EXOG: variants seen among roughly 807,000 people sequenced by gnomAD.
The protein encoded by EXOG is exo/endonuclease G.
In EXOG, 27 loss-of-function variants were observed where a neutral mutation model predicts 25.8. That is an observed-to-expected ratio of 1.05 (90% CI 0.77 to 1.45). The LOEUF is 1.45. EXOG is among the 40% of genes most tolerant of loss of function. The pLI is 0.00. For synonymous variants in EXOG, 133 were observed against 167.0 expected, an observed-to-expected ratio of 0.80 and a Z score of 1.57; for missense variants, 458 against 450.5, an observed-to-expected ratio of 1.02 and a Z score of -0.15.
Position 38,525,160 on chromosome 3 carries a change from C to G in EXOG, c.*798C>G, listed in dbSNP as rs2060841163. ...TTACATGTGTTGTCTCACAATGACT[C>G]TCTGAGGTAAATACACTATCCCCAT... On this transcript the variant is annotated 3_prime_UTR_variant, in exon 6 of 6. Transcript: ENST00000287675. The G allele has an allele frequency of 2.2e-6, 2 of 920,186 alleles. No individual in the cohort carries two copies. Among genetic ancestry groups the G allele is most frequent in the East Asian group, 1.2e-4 (1 of 8,438 alleles). 57.0% of individuals were successfully genotyped at this position (920,186 alleles called of 1,614,324 possible).
chr3:38,525,519 A>G lies in EXOG; in HGVS notation c.*1157A>G. 1 of 985,430 alleles carries G rather than the reference A, an allele frequency of 1.0e-6. No individual in the cohort carries two copies. The highest frequency in any genetic ancestry group is 1.2e-6 in the Non-Finnish European group (1 of 829,916). The allele number at this position is 985,430 out of a possible 1,614,324, so 61.0% of individuals were successfully genotyped here. On this transcript the variant is annotated 3_prime_UTR_variant, in exon 6 of 6. Coordinates refer to ENST00000287675, the MANE Select transcript of EXOG (RefSeq NM_005107.4). ...AGGAATATTTGGGAATTAGACGGCA[A>G]TACTTTGTGGGGTTTATTAGAGCCC...
At position 38,525,708 on chromosome 3, in the gene EXOG, C is replaced by G. The variant is rs931827010; in HGVS notation, c.*1346C>G. ...CTATAATCTCAGCACTTTGGGAAAT[C>G]GAGGTGGGTGGATCGCTTGAGCCCA... is the stretch of plus-strand genomic sequence containing the variant. On this transcript the variant is annotated 3_prime_UTR_variant, in exon 6 of 6. Coordinates refer to ENST00000287675, the MANE Select transcript of EXOG (RefSeq NM_005107.4). 11 of 844,924 alleles carry G rather than the reference C, an allele frequency of 1.3e-5. No individual in the cohort carries two copies. Among genetic ancestry groups the G allele is most frequent in the Non-Finnish European group, 1.6e-5 (11 of 701,760 alleles). The allele number at this position is 844,924 out of a possible 1,614,324, so 52.3% of individuals were successfully genotyped here.
At chr3:38,496,561 G>A (rs1251128983) in intron 1 of EXOG, 31 bp downstream of exon 1, 9 of 1,593,024 alleles carry the variant, frequency 5.6e-6, no homozygotes, top group Admixed American at 1.7e-5. Context: ...TCCCTTCGCT[G>A]GCCCAGATTT....
intron 5 of EXOG, among the ~76,000 whole-genome samples, chr3:38,508,745 GTA>G (rs2060281682): frequency 6.8e-6 from 1 of 146,802 alleles, no homozygotes; most frequent in African/African-American, 2.6e-5. Flanking sequence ...AACTTTTAGA[GTA>G]TATTCTGTCC....
At position 38,496,453 on chromosome 3, in the gene EXOG, C is replaced by A. The variant is rs1183224498; in HGVS notation, c.86C>A (p.Ala29Glu). Residue 29 changes from alanine to glutamate, a missense_variant, in exon 1 of 6, where the codon GCG (alanine) becomes GAG (glutamate). Transcript: ENST00000287675. ...GTGGCTGGGGCTGTAGTGGGCGCTGCGGGAGCTGGGCTCGCGGCCCTGCAG... is the reference window on the plus strand; with the variant it reads ...GTGGCTGGGGCTGTAGTGGGCGCTGAGGGAGCTGGGCTCGCGGCCCTGCAG... ...GFVAGAVVGA[A>E]GAGLAALQFF... The A allele has an allele frequency of 1.2e-6, 2 of 1,613,892 alleles. No individual in the cohort carries two copies. The highest frequency in any genetic ancestry group is 2.7e-5 in the African/African-American group (2 of 74,926).
At chr3:38,496,897 C>G in intron 1 of EXOG, 1 of 1,220,160 alleles carries the variant, frequency 8.2e-7, no homozygotes, top group Non-Finnish European at 1.1e-6. Context: ...CATCATCTAA[C>G]CAGCACAGTA....
intron 2 of EXOG, 46 bp downstream of exon 2, chr3:38,497,824 A>T (rs1329987912): frequency 6.4e-7 from 1 of 1,557,484 alleles, no homozygotes; most frequent in Non-Finnish European, 8.6e-7. Flanking sequence ...TTTATGAAAG[A>T]TGTCTCCAAA....
At chr3:38,505,897 T>C (rs2060188480) in intron 4 of EXOG, among the ~76,000 whole-genome samples, 2 of 147,444 alleles carry the variant, frequency 1.4e-5, no homozygotes, top group African/African-American at 5.0e-5. Flanking sequence ...ACCCAGGAGA[T>C]GGAGGTTGCA....
intron 5 of EXOG, among the ~76,000 whole-genome samples, chr3:38,517,592 C>G (rs1029197631): frequency 1.3e-5 from 2 of 152,170 alleles, no homozygotes; most frequent in East Asian, 3.9e-4. Flanking sequence ...TATTTTTAGC[C>G]TTTTGTAGTG....
At chr3:38,504,382 G>C (rs996074176) in intron 4 of EXOG, among the ~76,000 whole-genome samples, 2 of 151,532 alleles carry the variant, frequency 1.3e-5, no homozygotes, top group African/African-American at 4.9e-5. Context: ...AAAAGTTCCT[G>C]AACTTAAAAA....
intron 5 of EXOG, among the ~76,000 whole-genome samples, chr3:38,515,201 C>T (rs2060501953): frequency 2.0e-5 from 3 of 152,110 alleles, no homozygotes; most frequent in South Asian, 2.1e-4. Flanking sequence ...TCTGAAGATG[C>T]GCTCAGGAAT....
intron 3 of EXOG, 88 bp downstream of exon 3, chr3:38,501,582 A>G (rs2060045277): frequency 8.6e-7 from 1 of 1,160,368 alleles, no homozygotes. Context: ...TAGGAGCCAA[A>G]CCTTAAAACT....
chr3:38,503,561 T>A (rs1009940682), intron 3 of EXOG, 54 bp from the exon 4 acceptor site: 11 of 982,724 alleles, frequency 1.1e-5, no homozygotes, highest in Non-Finnish European at 1.8e-5. Context: ...TAATAAAATA[T>A]CTTTTAAAGG....
chr3:38,522,395 G>T (rs1374218618), intron 5 of EXOG, among the ~76,000 whole-genome samples: 2 of 152,240 alleles, frequency 1.3e-5, no homozygotes, highest in African/African-American at 4.8e-5. Context: ...GAAGGGCCCG[G>T]GAGGGGCAGT....
intron 5 of EXOG, among the ~76,000 whole-genome samples, chr3:38,510,524 CTT>C (rs2060336046): frequency 6.6e-6 from 1 of 151,954 alleles, no homozygotes; most frequent in Non-Finnish European, 1.5e-5. Flanking sequence ...GTGCCTGTGA[CTT>C]TTAAAAAGTT....
At chr3:38,498,944 C>T (rs1172245032) in intron 2 of EXOG, 2 of 456,568 alleles carry the variant, frequency 4.4e-6, no homozygotes, top group African/African-American at 4.0e-5. Flanking sequence ...TTCAAGTTTA[C>T]ACTCCTAGCA....
At chr3:38,501,270 A>AGTAGCTGGTGTCTCTCCAAGTAGCTGGT (rs1335895946) in intron 2 of EXOG, 85 bp from the exon 3 acceptor site, 1 of 1,137,254 alleles carries the variant, frequency 8.8e-7, no homozygotes, top group Non-Finnish European at 1.3e-6. Context: ...GACACCAGCC[A>AGTAGCTGGTGTCTCTCCAAGTAGCTGGT]GTAGCAACCA....
intron 5 of EXOG, among the ~76,000 whole-genome samples, chr3:38,514,784 T>G (rs1273890259): frequency 6.9e-6 from 1 of 144,598 alleles, no homozygotes; most frequent in Non-Finnish European, 1.5e-5. Flanking sequence ...CCTGCTTTTT[T>G]TTTTGAGACG....
chr3:38,499,578 A>T (rs2059986822), intron 2 of EXOG: 2 of 440,794 alleles, frequency 4.5e-6, no homozygotes, highest in South Asian at 1.7e-5. Context: ...AGTTATTCAG[A>T]TAGAATCTTC....
Sources: gnomAD v4.1 joint callset for allele counts (sites outside exome capture counted in the v4.1 genomes callset) on GRCh38, gnomAD v4.1.1 for gene constraint, MANE v1.5 for transcripts, NCBI Gene and HGNC (gene_info 2026-07-23, HGNC 2026-07-21) for gene names.